ENPP6: variants seen among roughly 807,000 people sequenced by gnomAD.
ENPP6 encodes the protein ectonucleotide pyrophosphatase/phosphodiesterase 6.
ENPP6 carries 32 observed loss-of-function variants against 42.0 expected under a neutral mutation model. That is an observed-to-expected ratio of 0.76 (90% CI 0.58 to 1.02). The LOEUF is 1.02. Among genes scored for constraint, ENPP6 ranks in the 50% least tolerant of loss-of-function variants. ENPP6 has a pLI of 0.00. For synonymous variants in ENPP6, 213 were observed against 216.0 expected, an observed-to-expected ratio of 0.99 and a Z score of 0.12; for missense variants, 552 against 566.8, an observed-to-expected ratio of 0.97 and a Z score of 0.27.
intron 2 of ENPP6, among the ~76,000 whole-genome samples, chr4:184,131,619 CT>C (rs1736636913): frequency 6.6e-6 from 1 of 151,658 alleles, no homozygotes; most frequent in South Asian, 2.1e-4. Context: ...CTGCCTTGGC[CT>C]CCCAAAGTGC....
intron 1 of ENPP6, among the ~76,000 whole-genome samples, chr4:184,194,009 A>G (rs773784603): frequency 6.8e-4 from 104 of 152,202 alleles, no homozygotes; most frequent in Non-Finnish European, 1.1e-3. Context: ...CTCTGTTGCC[A>G]CGGTCCCTGA....
intron 2 of ENPP6, among the ~76,000 whole-genome samples, chr4:184,152,722 C>A (rs1273637342): frequency 1.3e-5 from 2 of 152,192 alleles, no homozygotes; most frequent in African/African-American, 4.8e-5. Flanking sequence ...GAAAGATATT[C>A]AGTGACCAAG....
At chr4:184,205,320 G>A (rs187795222) in intron 1 of ENPP6, among the ~76,000 whole-genome samples, 9 of 152,342 alleles carry the variant, frequency 5.9e-5, no homozygotes, top group South Asian at 4.1e-4. Context: ...GAGAGAGAGC[G>A]CTGGTGGGGT....
chr4:184,206,418 C>T lies in ENPP6; in HGVS notation c.241+11161G>A, dbSNP rs561174713. Among the ~76,000 whole-genome samples the T allele has an allele frequency of 6.1e-5, 7 of 114,460 alleles. 2 individuals carry two copies. The South Asian group carries it at 1.2e-3, about 19-fold the overall frequency. The allele number at this position is 114,460 out of a possible 152,430, so 75.1% of individuals were successfully genotyped here. A position where few individuals can be genotyped will look rare whatever the true frequency, so the allele number is the denominator to read the frequency against. On this transcript the variant is annotated intron_variant, in intron 1 of 7. Coordinates refer to ENST00000296741, the MANE Select transcript of ENPP6 (RefSeq NM_153343.4). ...GACTACAGGCGGGCGCCACCAGGCCCGGCTAATTTTTGTATTTTTAGTAGA... is the reference window on the plus strand; with the variant it reads ...GACTACAGGCGGGCGCCACCAGGCCTGGCTAATTTTTGTATTTTTAGTAGA...
At position 184,130,430 on chromosome 4, in the gene ENPP6, C is replaced by T. The variant is rs575969538; in HGVS notation, c.422-6158G>A. ...AAAATTAGCCGGGCGTGGTGGTGGG[C>T]ACCTGTAGTCCCAGCTACTCGGGAG... On this transcript the variant is annotated intron_variant, in intron 2 of 7. Coordinates refer to ENST00000296741, the MANE Select transcript of ENPP6 (RefSeq NM_153343.4). Among the ~76,000 whole-genome samples, 488 of 106,514 alleles carry T rather than the reference C, an allele frequency of 4.6e-3. 22 individuals carry two copies. The highest frequency in any genetic ancestry group is 0.016 in the African/African-American group (466 of 28,650). 69.9% of individuals were successfully genotyped at this position (106,514 alleles called of 152,430 possible).
intron 1 of ENPP6, among the ~76,000 whole-genome samples, chr4:184,208,650 G>A (rs543810270): frequency 1.6e-3 from 236 of 149,600 alleles, no homozygotes; most frequent in African/African-American, 4.9e-3. Flanking sequence ...CAAGGCGGCA[G>A]CGAGGCTGGG....
At chr4:184,180,832 G>A (rs1032174296) in intron 1 of ENPP6, among the ~76,000 whole-genome samples, 2 of 152,014 alleles carry the variant, frequency 1.3e-5, no homozygotes, top group African/African-American at 4.8e-5. Context: ...AAAAACTCTC[G>A]ATAAACTAGG....
chr4:184,179,868 A>C (rs552158637), intron 1 of ENPP6, among the ~76,000 whole-genome samples: 1 of 152,344 alleles, frequency 6.6e-6, no homozygotes, highest in East Asian at 1.9e-4. Flanking sequence ...ATGCAGCTAA[A>C]GCAGTGTTAA....
intron 1 of ENPP6, among the ~76,000 whole-genome samples, chr4:184,183,520 T>C (rs6825202): frequency 7.1e-5 from 8 of 112,586 alleles, no homozygotes; most frequent in African/African-American, 3.1e-4. Flanking sequence ...CACACACACA[T>C]TCACACACAC....
chr4:184,205,153 G>A (rs766936354), intron 1 of ENPP6, among the ~76,000 whole-genome samples: 2 of 152,022 alleles, frequency 1.3e-5, no homozygotes, highest in Non-Finnish European at 1.5e-5. Flanking sequence ...GGCTGGTCTC[G>A]AACTCCTGAC....
intron 2 of ENPP6, among the ~76,000 whole-genome samples, chr4:184,132,230 G>A (rs151015013): frequency 3.3e-5 from 5 of 152,032 alleles, no homozygotes; most frequent in African/African-American, 1.2e-4. Flanking sequence ...TACCCGTCAA[G>A]TTGACACATA....
intron 1 of ENPP6, among the ~76,000 whole-genome samples, chr4:184,194,054 C>T (rs989275452): frequency 2.0e-5 from 3 of 152,086 alleles, no homozygotes; most frequent in Non-Finnish European, 2.9e-5. Flanking sequence ...CCTTTGATAC[C>T]TCTTCTTCCA....
At chr4:184,093,644 A>AATAATC (rs1491208892) in intron 7 of ENPP6, among the ~76,000 whole-genome samples, 1 of 125,952 alleles carries the variant, frequency 7.9e-6, no homozygotes, top group South Asian at 2.4e-4. Context: ...GTCTCAAAAT[A>AATAATC]ATAATAATAA....
rs143609204 is a variant in ENPP6, at chr4:184,103,199, G to A, written c.994-5831C>T. ...TCCAACAGGTGCTTCATTCTCAAAGGCCGGCGCCCATGGGATGCTGGTTGT... is the reference window on the plus strand; with the variant it reads ...TCCAACAGGTGCTTCATTCTCAAAGACCGGCGCCCATGGGATGCTGGTTGT... On this transcript the variant is annotated intron_variant, in intron 6 of 7. Transcript: ENST00000296741. Among the ~76,000 whole-genome samples the A allele has an allele frequency of 3.8e-3, 577 of 152,346 alleles. 6 individuals are homozygous for A. The highest frequency in any genetic ancestry group is 0.013 in the African/African-American group (543 of 41,568).
intron 7 of ENPP6, among the ~76,000 whole-genome samples, chr4:184,092,439 C>T (rs1034865838): frequency 2.0e-5 from 3 of 152,150 alleles, no homozygotes; most frequent in Non-Finnish European, 4.4e-5. Flanking sequence ...CCCAGAGTGG[C>T]CCCAAGCTCG....
intron 3 of ENPP6, among the ~76,000 whole-genome samples, 186 bp from the exon 4 acceptor site, chr4:184,118,086 A>G (rs571575011): frequency 6.6e-6 from 1 of 152,352 alleles, no homozygotes; most frequent in Non-Finnish European, 1.5e-5. Flanking sequence ...TGAACCAAGA[A>G]TTGCTGGTCC....
intron 1 of ENPP6, among the ~76,000 whole-genome samples, chr4:184,192,271 T>C (rs571017272): frequency 6.6e-6 from 1 of 152,352 alleles, no homozygotes; most frequent in East Asian, 1.9e-4. Context: ...ACCATAAGGA[T>C]ACACCTAAAC....
chr4:184,128,466 C>T (rs1736540439), intron 2 of ENPP6, among the ~76,000 whole-genome samples: 2 of 152,242 alleles, frequency 1.3e-5, no homozygotes, highest in East Asian at 1.9e-4. Context: ...CAGGCATGAG[C>T]CACCATGCCT....
At chr4:184,110,679 G>A (rs959016021) in intron 6 of ENPP6, among the ~76,000 whole-genome samples, 6 of 152,182 alleles carry the variant, frequency 3.9e-5, no homozygotes, top group Non-Finnish European at 5.9e-5. Context: ...ACCTTGTGAC[G>A]TTGAAGAAAG....
Sources: allele counts gnomAD v4.1 joint callset (sites outside exome capture counted in the v4.1 genomes callset), GRCh38; gene constraint gnomAD v4.1.1; transcripts MANE v1.5; gene names NCBI Gene and HGNC (gene_info 2026-07-23, HGNC 2026-07-21).